Variants in ELK1 observed in about 807,000 individuals in gnomAD.
ELK1 encodes the protein ETS transcription factor ELK1.
For missense variants in ELK1, 254 were observed against 381.5 expected (o/e 0.67, Z 2.78); for synonymous variants, 163 against 176.3 (o/e 0.92, Z 0.60).
chrX:47,646,395 G>A (rs2058043548), intron 2 of ELK1, among the ~76,000 whole-genome samples: 1 of 110,951 alleles, frequency 9.0e-6, no homozygotes, highest in South Asian at 3.8e-4. Flanking sequence ...GGGCTCAAGT[G>A]ATCCTCCCAC....
chrX:47,638,258 G>T (rs890258474), intron 4 of ELK1, 76 bp from the exon 5 acceptor site: 2 of 1,126,120 alleles, frequency 1.8e-6, no homozygotes, highest in African/African-American at 3.6e-5. Flanking sequence ...GCCACCCAGT[G>T]ATTTCCCCGG....
Position 47,638,966 on chromosome X carries a change from C to T in ELK1, c.583G>A (p.Gly195Arg). ...GGGCTTGGACTGGTGCTCCTGCTCC[C>T]CGAGGGGGGCGCTGCTGCCCCTGCA... Reference protein sequence around the residue: ...APAGAAAPPSGSRSTSPSPLE... With the variant: ...APAGAAAPPSRSRSTSPSPLE... The change falls in exon 4 of 7, where the codon GGG becomes AGG. Residue 195 changes from glycine to arginine, a missense_variant. Gly to Arg is a moderately radical substitution (Grantham distance 125). Transcript: ENST00000376983. The T allele has an allele frequency of 8.3e-7, 1 of 1,200,443 alleles. No homozygotes were observed.
At chrX:47,637,465 C>T (rs56096614) in intron 5 of ELK1, among the ~76,000 whole-genome samples, 5 of 110,943 alleles carry the variant, frequency 4.5e-5, no homozygotes, top group Non-Finnish European at 3.8e-5. Flanking sequence ...CCCATATGCA[C>T]ATCCCAGACC....
intron 2 of ELK1, among the ~76,000 whole-genome samples, chrX:47,648,342 T>C (rs2283735): frequency 0.23 from 25,867 of 111,783 alleles, 2,344 homozygotes; most frequent in Non-Finnish European, 0.29. Context: ...ACTAGCACTC[T>C]TAGAAACAGC....
At position 47,640,157 on chromosome X, in the gene ELK1, T is replaced by C. The variant is rs147839334; in HGVS notation, c.211-819A>G. Among the ~76,000 whole-genome samples the C allele has an allele frequency of 1.5e-3, 171 of 111,707 alleles. No homozygotes were observed. The Middle Eastern group carries it at 0.037, about 24-fold the overall frequency. On this transcript the variant is annotated intron_variant, in intron 3 of 6. Coordinates refer to ENST00000376983, the MANE Select transcript of ELK1 (RefSeq NM_001114123.3). ...GGCTTTGCTGGGTCACAGAGCATGTTTGGGGTTTTTCAGGTCTGGTGGGTC... is the reference window on the plus strand; with the variant it reads ...GGCTTTGCTGGGTCACAGAGCATGTCTGGGGTTTTTCAGGTCTGGTGGGTC...
chrX:47,639,151 G>C lies in ELK1; in HGVS notation c.398C>G (p.Thr133Arg). 8.3e-7 allele frequency: 1 copy of C among 1,208,271 alleles called. No homozygotes were observed. The highest frequency in any genetic ancestry group is 1.1e-6 in the Non-Finnish European group (1 of 893,616). Residue 133 changes from threonine (T) to arginine (R), a missense_variant, in exon 4 of 7, where the codon ACA becomes AGA. Coordinates refer to ENST00000376983, the MANE Select transcript of ELK1 (RefSeq NM_001114123.3). ...GCCTGCCATTCCTGCACCCTTGGGT[G>C]TGCCTGGCTTTCCAGAGACAGTGTC... ...PGDTVSGKPG[T>R]PKGAGMAGPG...
At chrX:47,642,359 A>C (rs923241549) in intron 2 of ELK1, among the ~76,000 whole-genome samples, 8 of 111,705 alleles carry the variant, frequency 7.2e-5, no homozygotes, top group Middle Eastern at 4.6e-3. Context: ...TCCTCATTTG[A>C]ATATTATCTG....
intron 4 of ELK1, 83 bp from the exon 5 acceptor site, chrX:47,638,265 C>T (rs1603090250): frequency 2.7e-6 from 3 of 1,109,040 alleles, no homozygotes; most frequent in South Asian, 2.0e-5. Context: ...AGTGATTTCC[C>T]CGGGAAGGTG....
At chrX:47,646,111 G>C (rs1018938062) in intron 2 of ELK1, among the ~76,000 whole-genome samples, 1 of 111,071 alleles carries the variant, frequency 9.0e-6, no homozygotes, top group Non-Finnish European at 1.9e-5. Flanking sequence ...TTGAGGGGTT[G>C]ACTTTTTTTT....
chrX:47,643,533 T>C (rs2058034649), intron 2 of ELK1, among the ~76,000 whole-genome samples: 1 of 111,708 alleles, frequency 9.0e-6, no homozygotes, highest in Non-Finnish European at 1.9e-5. Context: ...TTATTGCGAG[T>C]GTTCATACAT....
intron 2 of ELK1, among the ~76,000 whole-genome samples, chrX:47,644,268 G>T (rs2058036746): frequency 9.0e-6 from 1 of 111,662 alleles, no homozygotes; most frequent in African/African-American, 3.3e-5. Flanking sequence ...TTTGTATTTT[G>T]TTATTTCTCC....
At chrX:47,640,467 G>A (rs993104725) in intron 3 of ELK1, among the ~76,000 whole-genome samples, 2 of 110,805 alleles carry the variant, frequency 1.8e-5, no homozygotes, top group African/African-American at 6.6e-5. Flanking sequence ...TTCAGTAGAA[G>A]GATTAAGAAA....
At chrX:47,649,353 T>C (rs1278533987) in intron 2 of ELK1, 2 of 109,093 alleles carry the variant, frequency 1.8e-5, no homozygotes, top group African/African-American at 3.4e-5. Context: ...GAAAAGAGGA[T>C]CAGCACGTTC....
intron 4 of ELK1, 23 bp from the exon 5 acceptor site, chrX:47,638,205 G>A: frequency 2.5e-6 from 3 of 1,199,992 alleles, no homozygotes; most frequent in Non-Finnish European, 3.4e-6. Context: ...CAGGCACAAA[G>A]AGGGTGTGTA....
chrX:47,642,640 C>T (rs1375167883), intron 2 of ELK1, among the ~76,000 whole-genome samples: 1 of 106,448 alleles, frequency 9.4e-6, no homozygotes, highest in Admixed American at 1.0e-4. Context: ...GTTGCCCAGG[C>T]TGGAGCGCAG....
At chrX:47,638,541 C>T (rs778262823) in intron 4 of ELK1, among the ~76,000 whole-genome samples, 4 of 112,469 alleles carry the variant, frequency 3.6e-5, no homozygotes, top group Non-Finnish European at 7.5e-5. Flanking sequence ...TGGGCCCCTC[C>T]CCAGCCCCAC....
chrX:47,641,599 T>G (rs146362365), intron 2 of ELK1, 124 bp from the exon 3 acceptor site: 11,966 of 533,837 alleles, frequency 0.022, 135 homozygotes, highest in Middle Eastern at 0.053. Flanking sequence ...CATCATTCCC[T>G]AAACCTTCCC....
Position 47,637,119 on chromosome X carries a change from G to A in ELK1, c.1087-5C>T. On this transcript the variant is annotated splice_region_variant and splice_polypyrimidine_tract_variant and intron_variant, in intron 5 of 6. Coordinates refer to ENST00000376983, the MANE Select transcript of ELK1 (RefSeq NM_001114123.3). ...GGGTGTCAGCAGCACCGGGGTCTGT[G>A]GGGAGAGGGTGGTCGGAGCTCAAGT... The A allele has an allele frequency of 8.3e-7, 1 of 1,204,167 alleles. No homozygotes were observed. Among genetic ancestry groups the A allele is most frequent in the Non-Finnish European group, 1.1e-6 (1 of 891,763 alleles).
At chrX:47,648,791 C>T (rs183226743) in intron 2 of ELK1, 3 of 110,739 alleles carry the variant, frequency 2.7e-5, no homozygotes, top group African/African-American at 9.9e-5. Context: ...TTCTGATCCC[C>T]CATTTCACAA....
Sources: gnomAD v4.1 joint callset for allele counts (sites outside exome capture counted in the v4.1 genomes callset) on GRCh38, gnomAD v4.1.1 for gene constraint, MANE v1.5 for transcripts, NCBI Gene and HGNC (gene_info 2026-07-23, HGNC 2026-07-21) for gene names.